Variants in TFDP2 observed in about 807,000 individuals in gnomAD.
The protein encoded by TFDP2 is transcription factor Dp-2 (E2F dimerization partner 2).
Under a neutral mutation model 59.3 loss-of-function variants are expected in TFDP2, and 17 were observed. The ratio of observed to expected loss-of-function variants is 0.29; its 90% CI spans 0.20 to 0.43. The LOEUF (loss-of-function observed/expected upper bound fraction) is 0.43, where lower values mean the gene tolerates loss of function less well. Among genes scored for constraint, TFDP2 ranks in the 20% least tolerant of loss-of-function variants. The pLI is 1.00. For missense variants in TFDP2, 391 were observed against 528.8 expected (o/e 0.74, Z 2.56); for synonymous variants, 180 against 194.7 (o/e 0.92, Z 0.63).
chr3:141,973,602 T>C (rs1329885425), intron 8 of TFDP2, among the ~76,000 whole-genome samples: 2 of 152,044 alleles, frequency 1.3e-5, no homozygotes, highest in African/African-American at 4.8e-5. Context: ...GTTGCTACTA[T>C]TTCAAAGTAA....
At chr3:142,120,030 A>T (rs1226858335) in intron 1 of TFDP2, among the ~76,000 whole-genome samples, 1 of 151,960 alleles carries the variant, frequency 6.6e-6, no homozygotes, top group Admixed American at 6.6e-5. Context: ...AGCCTGGGCG[A>T]CAGAGCAAGA....
chr3:142,016,889 A>G (rs1196667501), intron 3 of TFDP2, among the ~76,000 whole-genome samples: 1 of 152,152 alleles, frequency 6.6e-6, no homozygotes. Context: ...ACAAAGCCCT[A>G]TATCATCTGC....
intron 3 of TFDP2, among the ~76,000 whole-genome samples, chr3:142,063,151 A>G (rs1420673527): frequency 3.3e-5 from 5 of 152,222 alleles, no homozygotes; most frequent in African/African-American, 1.2e-4. Flanking sequence ...CCAGTCATGG[A>G]TATGTTACAA....
At chr3:142,057,184 G>A (rs2059775424) in intron 3 of TFDP2, among the ~76,000 whole-genome samples, 1 of 152,138 alleles carries the variant, frequency 6.6e-6, no homozygotes, top group South Asian at 2.1e-4. Context: ...CCAGCAGGAG[G>A]TCTGAATGGC....
At chr3:142,054,627 A>G (rs1469690809) in intron 3 of TFDP2, among the ~76,000 whole-genome samples, 1 of 152,208 alleles carries the variant, frequency 6.6e-6, no homozygotes, top group Non-Finnish European at 1.5e-5. Flanking sequence ...TCATCCACTG[A>G]AACAACTGGC....
chr3:142,149,081 AGGG>A (rs938532219), intron 1 of TFDP2, 99 bp downstream of exon 1: 1 of 394,712 alleles, frequency 2.5e-6, no homozygotes. Flanking sequence ...TGGGGGAACA[AGGG>A]GGCCCCTGTG....
rs775817917 is a variant in TFDP2, at chr3:141,952,568, G to A, written c.1286C>T (p.Ser429Leu). 11 of 1,565,622 alleles carry A rather than the reference G, an allele frequency of 7.0e-6. No individual in the cohort carries two copies. The highest frequency in any genetic ancestry group is 1.4e-5 in the African/African-American group (1 of 71,868). ...CSESRGETPCSFNDEDEEDDE... is the reference protein window; with the variant it reads ...CSESRGETPCLFNDEDEEDDE... ...ATCTTCCTCATCTTCATCATTGAAC[G>A]AACAGGGGGTCTCGCCTCGGGACTC... The change falls in exon 13 of 13, where the codon TCG becomes TTG. Residue 429 changes from serine (S) to leucine (L), a missense_variant. Coordinates refer to ENST00000489671, the MANE Select transcript of TFDP2 (RefSeq NM_001178139.2).
chr3:141,984,782 T>G (rs921215746), intron 6 of TFDP2, among the ~76,000 whole-genome samples: 1 of 152,244 alleles, frequency 6.6e-6, no homozygotes, highest in Non-Finnish European at 1.5e-5. Flanking sequence ...TATTAGCCAG[T>G]GTATTTCTGC....
At chr3:142,111,674 T>C (rs1216839194) in intron 1 of TFDP2, among the ~76,000 whole-genome samples, 1 of 151,920 alleles carries the variant, frequency 6.6e-6, no homozygotes, top group African/African-American at 2.4e-5. Context: ...CTAAGGAAGG[T>C]CCTAATAATA....
At chr3:141,990,052 C>G (rs1393972619) in intron 6 of TFDP2, among the ~76,000 whole-genome samples, 1 of 151,842 alleles carries the variant, frequency 6.6e-6, no homozygotes, top group Non-Finnish European at 1.5e-5. Context: ...TGCCACCACG[C>G]TTGACTAATT....
chr3:141,955,519 C>G (rs143346058), intron 11 of TFDP2, among the ~76,000 whole-genome samples: 1,907 of 152,224 alleles, frequency 0.013, 15 homozygotes, highest in Non-Finnish European at 0.021. Flanking sequence ...GGAGACGGAA[C>G]AGGTGGGCTG....
chr3:142,076,010 A>C (rs1157768898), intron 3 of TFDP2, among the ~76,000 whole-genome samples: 3 of 151,592 alleles, frequency 2.0e-5, no homozygotes, highest in Non-Finnish European at 4.4e-5. Flanking sequence ...CAGGAGTTTG[A>C]GACCAGCCTG....
At chr3:142,034,172 C>T (rs578140949) in intron 3 of TFDP2, among the ~76,000 whole-genome samples, 2 of 148,842 alleles carry the variant, frequency 1.3e-5, no homozygotes, top group East Asian at 4.0e-4. Flanking sequence ...CTCGGCTCAC[C>T]TCAACCTCCG....
rs1935670168 is a variant in TFDP2, at chr3:141,949,434, C to G, written c.*3079G>C. The G allele has an allele frequency of 6.6e-6, 1 of 152,226 alleles. No individual in the cohort carries two copies. Among genetic ancestry groups the G allele is most frequent in the African/African-American group, 2.4e-5 (1 of 41,356 alleles). The allele number at this position is 152,226 out of a possible 1,614,324, so 9.4% of individuals were successfully genotyped here. A position where few individuals can be genotyped will look rare whatever the true frequency, so the allele number is the denominator to read the frequency against. ...TCATAAGGCACAAGGTATACAAACA[C>G]CACAACTGCTCTCACCACAGGAAAT... On this transcript the variant is annotated 3_prime_UTR_variant, in exon 13 of 13. Coordinates refer to ENST00000489671, the MANE Select transcript of TFDP2 (RefSeq NM_001178139.2).
At chr3:142,134,592 TAA>T (rs2062652206) in intron 1 of TFDP2, among the ~76,000 whole-genome samples, 1 of 152,122 alleles carries the variant, frequency 6.6e-6, no homozygotes, top group Non-Finnish European at 1.5e-5. Context: ...AGATGATTTT[TAA>T]AAGGCAGAAA....
At chr3:142,073,771 C>T (rs1393912609) in intron 3 of TFDP2, among the ~76,000 whole-genome samples, 1 of 152,150 alleles carries the variant, frequency 6.6e-6, no homozygotes, top group African/African-American at 2.4e-5. Flanking sequence ...ACCATCACCT[C>T]TATTTAATTC....
intron 2 of TFDP2, among the ~76,000 whole-genome samples, chr3:142,095,584 T>C (rs2061134500): frequency 6.6e-6 from 1 of 152,264 alleles, no homozygotes; most frequent in African/African-American, 2.4e-5. Flanking sequence ...ATAGTGCAGA[T>C]ACTTAACTTT....
intron 1 of TFDP2, among the ~76,000 whole-genome samples, chr3:142,146,513 C>T (rs1416949248): frequency 1.3e-5 from 2 of 152,156 alleles, no homozygotes; most frequent in Non-Finnish European, 2.9e-5. Flanking sequence ...AGCTGATAAA[C>T]TGCAGAGCTA....
rs1331347126 is a variant in TFDP2, at chr3:142,121,478, T to A, written c.-92-19637A>T. On this transcript the variant is annotated intron_variant, in intron 1 of 12. Coordinates refer to ENST00000489671, the MANE Select transcript of TFDP2 (RefSeq NM_001178139.2). This position sits in a 1 kb window ranked among gnomAD's most constrained non-coding sequence, Gnocchi z 4.3. ...TAAATTAGTAATAGAGATAATTAGT[T>A]AAAATTACAGAATTAAGAACTATGA... 6.6e-6 allele frequency among the ~76,000 whole-genome samples: 1 copy of A among 152,148 alleles called. No individual in the cohort carries two copies.
Sources: gnomAD v4.1 joint callset for allele counts (sites outside exome capture counted in the v4.1 genomes callset) on GRCh38, gnomAD v4.1.1 for gene constraint, Gnocchi (gnomAD v3.1) non-coding constraint, MANE v1.5 for transcripts, NCBI Gene and HGNC (gene_info 2026-07-23, HGNC 2026-07-21) for gene names.